The following RIMS2 variants were observed in gnomAD, a reference collection of about 807,000 sequenced individuals.
RIMS2 encodes the protein regulating synaptic membrane exocytosis 2.
RIMS2 carries 59 observed loss-of-function variants against 174.4 expected under a neutral mutation model. The ratio of observed to expected loss-of-function variants is 0.34; its 90% CI spans 0.27 to 0.42. RIMS2 has a LOEUF of 0.42. RIMS2 is among the 10% of genes least tolerant of loss of function. The pLI, the probability that RIMS2 is intolerant of heterozygous loss-of-function variation, is 1.00. For synonymous variants in RIMS2, 606 were observed against 572.5 expected, an observed-to-expected ratio of 1.06 and a Z score of -0.84; for missense variants, 1,620 against 1,666.3, an observed-to-expected ratio of 0.97 and a Z score of 0.48.
At chr8:104,074,993 A>T (rs181444517) in intron 19 of RIMS2, among the ~76,000 whole-genome samples, 7 of 152,358 alleles carry the variant, frequency 4.6e-5, no homozygotes, top group Admixed American at 3.9e-4. Context: ...GATATAATGT[A>T]GACATGAAGA....
chr8:104,002,182 C>CT (rs890285743), intron 17 of RIMS2, among the ~76,000 whole-genome samples: 2 of 151,622 alleles, frequency 1.3e-5, no homozygotes, highest in Admixed American at 1.3e-4. Flanking sequence ...TGATTGCACA[C>CT]TTTTTTTTTC....
At chr8:103,623,944 A>G (rs903759046) in intron 1 of RIMS2, among the ~76,000 whole-genome samples, 1 of 152,154 alleles carries the variant, frequency 6.6e-6, no homozygotes, top group Non-Finnish European at 1.5e-5. Flanking sequence ...GTCTTAAGAG[A>G]AAAGAAATTT....
intron 3 of RIMS2, among the ~76,000 whole-genome samples, chr8:103,787,599 C>A (rs1592355408): frequency 6.6e-6 from 1 of 152,060 alleles, no homozygotes; most frequent in East Asian, 1.9e-4. Flanking sequence ...GAATATTGGC[C>A]CCTACTCTCT....
chr8:104,234,419 T>TA (rs34932905), intron 19 of RIMS2, among the ~76,000 whole-genome samples: 88 of 144,078 alleles, frequency 6.1e-4, no homozygotes, highest in African/African-American at 6.8e-4. Flanking sequence ...TCTGAAAGTT[T>TA]AAAAAAAAAA....
chr8:103,731,683 G>A lies in RIMS2; in HGVS notation c.387+34387G>A, dbSNP rs188592190. On this transcript the variant is annotated intron_variant, in intron 2 of 23. Coordinates refer to ENST00000504942, the Ensembl canonical transcript of RIMS2. ...CTGTGTTTATTCAAATAGGCTGTCT[G>A]CAAGCTCACTAATTCTTTCTTCTCC... Among the ~76,000 whole-genome samples, 3 of 152,042 alleles carry A rather than the reference G, an allele frequency of 2.0e-5. No homozygotes were observed. In the East Asian group the frequency reaches 5.8e-4, roughly 29 times the overall value.
chr8:104,151,113 T>C (rs1442969343), intron 19 of RIMS2, among the ~76,000 whole-genome samples: 5 of 152,170 alleles, frequency 3.3e-5, no homozygotes, highest in Non-Finnish European at 5.9e-5. Flanking sequence ...GAGGGAATGA[T>C]AGATTCAGGG....
At chr8:103,972,346 T>G (rs1261126311) in intron 15 of RIMS2, among the ~76,000 whole-genome samples, 1 of 152,260 alleles carries the variant, frequency 6.6e-6, no homozygotes, top group Non-Finnish European at 1.5e-5. Flanking sequence ...CAAAATTGTC[T>G]TTATTGCTAT....
chr8:103,672,164 A>G (rs796638103), intron 1 of RIMS2, among the ~76,000 whole-genome samples: 22 of 152,246 alleles, frequency 1.4e-4, no homozygotes, highest in African/African-American at 4.8e-4. Context: ...ACCTAATGAA[A>G]ACAATATGGG....
intron 1 of RIMS2, among the ~76,000 whole-genome samples, chr8:103,538,370 G>A (rs929002083): frequency 5.3e-5 from 8 of 152,000 alleles, no homozygotes; most frequent in Non-Finnish European, 1.2e-4. Context: ...GATACAGGCG[G>A]TATTTGGTTA....
rs762684104 is a variant in RIMS2, at chr8:103,885,494, A to G, written c.895A>G (p.Arg299Gly). 3.1e-6 allele frequency: 5 copies of G among 1,612,722 alleles called. No homozygotes were observed. The South Asian group carries it at 4.4e-5, about 14-fold the overall frequency. The change falls in exon 4 of 24, where the codon AGA (arginine) becomes GGA (glycine). Residue 299 changes from arginine to glycine, a missense_variant. Physicochemically the swap from Arg to Gly is moderately radical, Grantham distance 125. Around this residue, in one of 2 missense-constraint regions of RIMS2, gnomAD observed 1,395 missense variants for 1,360.1 expected, o/e 1.03. Transcript: ENST00000504942. ...TTTAAGTTATAGGGACTCCAACAGG[A>G]GAAGTCATAGGCATTCCAAAGAATA...
At chr8:103,711,917 A>G (rs2097309095) in intron 2 of RIMS2, among the ~76,000 whole-genome samples, 3 of 144,306 alleles carry the variant, frequency 2.1e-5, no homozygotes, top group South Asian at 2.2e-4. Flanking sequence ...TATATATATC[A>G]CACTTTTAAA....
intron 3 of RIMS2, among the ~76,000 whole-genome samples, chr8:103,788,061 A>T (rs188279888): frequency 0.14 from 19,555 of 144,824 alleles, 1,320 homozygotes; most frequent in Middle Eastern, 0.21. Context: ...AGTTGATCGC[A>T]TTGGCTCCTG....
chr8:103,701,046 C>A (rs1458619341), intron 2 of RIMS2, among the ~76,000 whole-genome samples: 3 of 151,850 alleles, frequency 2.0e-5, no homozygotes, highest in Non-Finnish European at 4.4e-5. Flanking sequence ...TATATTTATT[C>A]TTGTAGTTAT....
intron 19 of RIMS2, among the ~76,000 whole-genome samples, chr8:104,070,505 G>A (rs947870064): frequency 6.6e-6 from 1 of 152,126 alleles, no homozygotes; most frequent in African/African-American, 2.4e-5. Context: ...CTAACTATTT[G>A]AGTTGGATAT....
chr8:103,566,208 G>A (rs1469623583), intron 1 of RIMS2, among the ~76,000 whole-genome samples: 4 of 152,144 alleles, frequency 2.6e-5, no homozygotes, highest in Non-Finnish European at 4.4e-5. Context: ...CTTACATCCT[G>A]TTTGTCAGGG....
At chr8:104,089,601 G>T (rs2097599299) in intron 19 of RIMS2, among the ~76,000 whole-genome samples, 1 of 151,722 alleles carries the variant, frequency 6.6e-6, no homozygotes. Context: ...ATTTGTAATA[G>T]AAACCTGAGC....
intron 3 of RIMS2, among the ~76,000 whole-genome samples, chr8:103,792,217 C>G (rs2098505789): frequency 6.6e-6 from 1 of 152,210 alleles, no homozygotes; most frequent in Non-Finnish European, 1.5e-5. Context: ...TTATAACAAA[C>G]TGTCTCTCAG....
intron 19 of RIMS2, among the ~76,000 whole-genome samples, chr8:104,131,936 A>G (rs2098477424): frequency 6.6e-6 from 1 of 152,078 alleles, no homozygotes; most frequent in African/African-American, 2.4e-5. Flanking sequence ...AATGGGAACT[A>G]ATTGCCATTT....
intron 19 of RIMS2, among the ~76,000 whole-genome samples, chr8:104,120,263 A>G (rs1208342452): frequency 6.6e-6 from 1 of 152,210 alleles, no homozygotes; most frequent in Non-Finnish European, 1.5e-5. Context: ...TATGAGCTAG[A>G]TCATAATTTG....
Sources: allele counts gnomAD v4.1 joint callset (sites outside exome capture counted in the v4.1 genomes callset), GRCh38; gene constraint gnomAD v4.1.1; regional missense constraint gnomAD v4.1.1; transcripts MANE v1.5; gene names NCBI Gene and HGNC (gene_info 2026-07-23, HGNC 2026-07-21).